ARL17B: variants seen among roughly 807,000 people sequenced by gnomAD.
ARL17B encodes the protein ADP-ribosylation factor-like protein 17.
chr17:46,280,145 G>A (rs1263427631), intron 4 of ARL17B, among the ~76,000 whole-genome samples: 3 of 152,246 alleles, frequency 2.0e-5, no homozygotes, highest in African/African-American at 7.2e-5. Flanking sequence ...GGCCAGGGCA[G>A]GTGGATCACT....
intron 4 of ARL17B, among the ~76,000 whole-genome samples, chr17:46,275,674 A>T (rs556707160): frequency 1.3e-5 from 2 of 152,358 alleles, no homozygotes; most frequent in East Asian, 3.9e-4. Context: ...TCTAATAAAG[A>T]TTACAACATT....
chr17:46,293,087 G>A (rs1437353307), intron 4 of ARL17B: 1 of 47,718 alleles, frequency 2.1e-5, no homozygotes, highest in African/African-American at 5.2e-5. Flanking sequence ...CTGAGTAGCT[G>A]GGATTATAGA....
intron 3 of ARL17B, among the ~76,000 whole-genome samples, chr17:46,321,407 T>C (rs2051368091): frequency 2.6e-5 from 1 of 37,748 alleles, no homozygotes; most frequent in Admixed American, 3.2e-4. Flanking sequence ...AAAGCGCTCA[T>C]AGTCCAGGAG....
intron 4 of ARL17B, among the ~76,000 whole-genome samples, chr17:46,285,401 C>T (rs1254147936): frequency 3.9e-5 from 6 of 152,028 alleles, no homozygotes; most frequent in African/African-American, 1.2e-4. Flanking sequence ...CCACCACACC[C>T]GACTAGTTTT....
intron 3 of ARL17B, among the ~76,000 whole-genome samples, chr17:46,324,952 CCCA>C (rs2051649177): frequency 2.6e-5 from 2 of 77,802 alleles, no homozygotes; most frequent in South Asian, 1.1e-3. Context: ...GCCACCAGCC[CCCA>C]CAATATGGCA....
intron 3 of ARL17B, among the ~76,000 whole-genome samples, chr17:46,317,163 G>T (rs1252376387): frequency 2.3e-5 from 2 of 87,864 alleles, no homozygotes; most frequent in Admixed American, 1.2e-4. Context: ...GGGCAGAGGC[G>T]CTCCTCACAT....
chr17:46,290,009 C>T (rs1211100135), intron 4 of ARL17B, among the ~76,000 whole-genome samples: 1 of 152,236 alleles, frequency 6.6e-6, no homozygotes, highest in African/African-American at 2.4e-5. Flanking sequence ...GTGCCAACTA[C>T]TTGGAAGGCT....
At position 46,339,455 on chromosome 17, in the gene ARL17B, G is replaced by A; in HGVS notation, c.*45C>T. On this transcript the variant is annotated 3_prime_UTR_variant, in exon 4 of 4. Transcript: ENST00000450673. ...AGTGCTTATCACTGGAGGTGCTAGA[G>A]GTGGTGAAGGTTGTGGGGATGGGGT... The A allele has an allele frequency of 4.5e-6, 1 of 222,776 alleles. No individual in the cohort carries two copies. Among genetic ancestry groups the A allele is most frequent in the Non-Finnish European group, 9.1e-6 (1 of 109,504 alleles). 13.8% of individuals were successfully genotyped at this position (222,776 alleles called of 1,614,324 possible). A position where few individuals can be genotyped will look rare whatever the true frequency, so the allele number is the denominator to read the frequency against.
In ARL17B at chr17:46,317,177, A is replaced by C. The variant is rs1295846028; in HGVS notation, c.260-17512T>G. On this transcript the variant is annotated intron_variant, in intron 3 of 4. Coordinates refer to the ARL17B transcript ENST00000434041. ...CGGGCAGAGGCGCTCCTCACATCCC[A>C]GACGGGCATGCCCAGTTAGTTTTAA... Among the ~76,000 whole-genome samples the C allele has an allele frequency of 2.3e-5, 2 of 87,336 alleles. 1 individual carries two copies. Among genetic ancestry groups the C allele is most frequent in the East Asian group, 4.6e-4 (2 of 4,320 alleles). 57.3% of individuals were successfully genotyped at this position (87,336 alleles called of 152,430 possible).
chr17:46,291,968 G>T (rs28485774), intron 4 of ARL17B, among the ~76,000 whole-genome samples: 2 of 9,292 alleles, frequency 2.2e-4, no homozygotes, highest in East Asian at 2.6e-3. Flanking sequence ...TTCTCAAAAA[G>T]CAAAAAAAAA....
At chr17:46,280,569 CTT>C (rs56981193) in intron 4 of ARL17B, among the ~76,000 whole-genome samples, 14 of 112,006 alleles carry the variant, frequency 1.2e-4, no homozygotes, top group East Asian at 2.4e-4. Flanking sequence ...TGATAGCACA[CTT>C]TTTTTTTTTT....
At position 46,314,471 on chromosome 17, in the gene ARL17B, G is replaced by T. The variant is rs1461109699; in HGVS notation, c.260-14806C>A. ...GTTCAGGTGACGCCATTGCACTCAA[G>T]CCTGGGCAACAGAGTGAGACTCCAA... On this transcript the variant is annotated intron_variant, in intron 3 of 4. Coordinates refer to the ARL17B transcript ENST00000434041. 2.4e-5 allele frequency among the ~76,000 whole-genome samples: 2 copies of T among 82,018 alleles called. 1 individual carries two copies. Among genetic ancestry groups the T allele is most frequent in the Non-Finnish European group, 7.0e-5 (2 of 28,380 alleles). The allele number at this position is 82,018 out of a possible 152,430, so 53.8% of individuals were successfully genotyped here.
chr17:46,278,457 T>G (rs1300007132), intron 4 of ARL17B, among the ~76,000 whole-genome samples: 1 of 151,830 alleles, frequency 6.6e-6, no homozygotes, highest in Non-Finnish European at 1.5e-5. Context: ...CAGGCTAGAG[T>G]GCAGTGGTGT....
intron 3 of ARL17B, among the ~76,000 whole-genome samples, chr17:46,340,136 A>G (rs2052469574): frequency 9.8e-6 from 1 of 101,864 alleles, no homozygotes; most frequent in African/African-American, 3.2e-5. Context: ...AGTATTGGAG[A>G]AAACTTAGCC....
chr17:46,280,534 AG>A (rs1247907737), intron 4 of ARL17B, among the ~76,000 whole-genome samples: 1 of 151,908 alleles, frequency 6.6e-6, no homozygotes, highest in Non-Finnish European at 1.5e-5. Flanking sequence ...ATTATTAAAA[AG>A]AAAAAAATTT....
At chr17:46,284,052 C>G (rs1378985643) in intron 4 of ARL17B, among the ~76,000 whole-genome samples, 1 of 152,234 alleles carries the variant, frequency 6.6e-6, no homozygotes, top group Non-Finnish European at 1.5e-5. Flanking sequence ...GGTTTTATAC[C>G]GAGACATTCC....
At chr17:46,324,231 ACTGCACT>A (rs1276340254) in intron 3 of ARL17B, among the ~76,000 whole-genome samples, 1 of 87,106 alleles carries the variant, frequency 1.1e-5, no homozygotes, top group African/African-American at 3.6e-5. Context: ...AGATTGCACC[ACTGCACT>A]CTAACCTGGG....
rs552885701 is a variant in ARL17B, at chr17:46,287,050, AT to A, written c.*22-11633del. 5.3e-4 allele frequency among the ~76,000 whole-genome samples: 81 copies of A among 152,226 alleles called. 2 individuals carry two copies. Among genetic ancestry groups the A allele is most frequent in the Non-Finnish European group, 3.2e-4 (22 of 68,036 alleles). On this transcript the variant is annotated intron_variant, in intron 4 of 4. Transcript: ENST00000570618. The stretch of plus-strand genomic sequence containing the variant: ...AAATCTGTCTTCCCTGCCTTGCTTC[AT>A]TTTTTTACAGGATAACTTCCTGCTA...
intron 2 of ARL17B, among the ~76,000 whole-genome samples, chr17:46,356,297 ATAAACT>A (rs894674477): frequency 1.5e-4 from 7 of 45,682 alleles, no homozygotes; most frequent in African/African-American, 6.8e-4. Flanking sequence ...TAAATAAAAA[ATAAACT>A]TAAAGTTAAA....
Sources: allele counts gnomAD v4.1 joint callset (sites outside exome capture counted in the v4.1 genomes callset), GRCh38; gene constraint gnomAD v4.1.1; transcripts MANE v1.5; gene names NCBI Gene and HGNC (gene_info 2026-07-23, HGNC 2026-07-21).